The following KIAA0825 variants were observed in gnomAD, a reference collection of about 807,000 sequenced individuals.
The protein encoded by KIAA0825 is uncharacterized protein KIAA0825.
In KIAA0825, 119 loss-of-function variants were observed where a neutral mutation model predicts 147.6. The observed-to-expected ratio is 0.81, with a 90% CI of 0.69 to 0.94. The LOEUF (loss-of-function observed/expected upper bound fraction) is 0.94, where lower values mean the gene tolerates loss of function less well. KIAA0825 is among the 40% of genes least tolerant of loss of function. The probability of loss-of-function intolerance (pLI) is 0.00; values close to 1 mark genes in which losing one functional copy is unlikely to be tolerated. For synonymous variants in KIAA0825, 470 were observed against 518.1 expected (o/e 0.91, Z 1.26); for missense variants, 1,381 against 1,472.7 (o/e 0.94, Z 1.02).
At chr5:94,240,983 C>A (rs1294026715) in intron 20 of KIAA0825, among the ~76,000 whole-genome samples, 2 of 152,050 alleles carry the variant, frequency 1.3e-5, no homozygotes, top group Non-Finnish European at 2.9e-5. Flanking sequence ...TAAATGAATC[C>A]ATTTAACAAT....
At chr5:94,155,269 G>C (rs1484438465) in intron 20 of KIAA0825, among the ~76,000 whole-genome samples, 1 of 143,916 alleles carries the variant, frequency 6.9e-6, no homozygotes, top group Non-Finnish European at 1.5e-5. Flanking sequence ...CCAGGCTGGA[G>C]TGCAGTGGCA....
intron 6 of KIAA0825, among the ~76,000 whole-genome samples, chr5:94,480,848 T>C (rs1762418032): frequency 6.6e-6 from 1 of 152,022 alleles, no homozygotes; most frequent in Non-Finnish European, 1.5e-5. Context: ...ATTAAAATGG[T>C]TTAAAAAAAC....
intron 14 of KIAA0825, among the ~76,000 whole-genome samples, chr5:94,421,322 C>G (rs1754154919): frequency 6.6e-6 from 1 of 152,244 alleles, no homozygotes; most frequent in African/African-American, 2.4e-5. Flanking sequence ...GTGGCCTTAG[C>G]CTTCTTCCAG....
chr5:94,432,182 T>C (rs564867415), intron 14 of KIAA0825, among the ~76,000 whole-genome samples: 1 of 152,330 alleles, frequency 6.6e-6, no homozygotes, highest in African/African-American at 2.4e-5. Context: ...AGATACCTTG[T>C]TTGATATCCC....
At chr5:94,341,668 CTTGA>C (rs1240379581) in intron 20 of KIAA0825, among the ~76,000 whole-genome samples, 1 of 151,832 alleles carries the variant, frequency 6.6e-6, no homozygotes. Context: ...ACAGAAATGT[CTTGA>C]TTAAGAGAGG....
chr5:94,383,768 T>C (rs753895006), intron 20 of KIAA0825, among the ~76,000 whole-genome samples: 3 of 151,078 alleles, frequency 2.0e-5, no homozygotes, highest in Non-Finnish European at 4.4e-5. Flanking sequence ...ATATTATCAT[T>C]TCATTGGATT....
At chr5:94,173,599 T>G (rs988627257) in intron 20 of KIAA0825, among the ~76,000 whole-genome samples, 1 of 152,210 alleles carries the variant, frequency 6.6e-6, no homozygotes, top group Non-Finnish European at 1.5e-5. Flanking sequence ...CTGCTTTTTA[T>G]GGTCCAGCCT....
intron 20 of KIAA0825, among the ~76,000 whole-genome samples, chr5:94,197,974 G>A (rs1227833355): frequency 6.6e-6 from 1 of 152,092 alleles, no homozygotes; most frequent in Non-Finnish European, 1.5e-5. Flanking sequence ...GTTCCATATG[G>A]ATTTTAGAAT....
intron 15 of KIAA0825, among the ~76,000 whole-genome samples, chr5:94,409,824 A>C (rs1752522449): frequency 6.6e-6 from 1 of 152,224 alleles, no homozygotes; most frequent in Non-Finnish European, 1.5e-5. Context: ...AAAGCTTGAA[A>C]ACAACTAACT....
chr5:94,607,720 C>G (rs74670623), intron 1 of KIAA0825, among the ~76,000 whole-genome samples: 1,832 of 152,304 alleles, frequency 0.012, 34 homozygotes, highest in African/African-American at 0.042. Context: ...AAATTATTAT[C>G]TTACAGTTGT....
At chr5:94,365,709 A>G (rs113055379) in intron 20 of KIAA0825, among the ~76,000 whole-genome samples, 2,384 of 152,336 alleles carry the variant, frequency 0.016, 32 homozygotes, top group Non-Finnish European at 0.026. Flanking sequence ...AACTTAGTTT[A>G]TAGTTTAGCT....
At chr5:94,578,626 G>A (rs924128448) in intron 2 of KIAA0825, among the ~76,000 whole-genome samples, 2 of 151,702 alleles carry the variant, frequency 1.3e-5, no homozygotes, top group Non-Finnish European at 2.9e-5. Context: ...AAATATGACA[G>A]GAATTCCAAA....
intron 20 of KIAA0825, among the ~76,000 whole-genome samples, chr5:94,186,780 A>G (rs1206583963): frequency 6.6e-6 from 1 of 152,226 alleles, no homozygotes; most frequent in Non-Finnish European, 1.5e-5. Context: ...AGGAGCTACC[A>G]GAGAGGGTGT....
chr5:94,565,094 C>CTTTTTTTTTTTTTTTTTTTTTT (rs1285299381), intron 2 of KIAA0825, among the ~76,000 whole-genome samples: 2 of 51,904 alleles, frequency 3.9e-5, no homozygotes, highest in Non-Finnish European at 8.1e-5. Context: ...TTCTTGCTTT[C>CTTTTTTTTTTTTTTTTTTTTTT]CTTTTTTTTT....
intron 10 of KIAA0825, among the ~76,000 whole-genome samples, chr5:94,466,360 G>A (rs1325270776): frequency 1.3e-5 from 2 of 152,154 alleles, no homozygotes; most frequent in South Asian, 4.1e-4. Context: ...GCATCAAAAT[G>A]TCAGAGTCGA....
chr5:94,322,114 C>T (rs1780247993), intron 20 of KIAA0825, among the ~76,000 whole-genome samples: 1 of 151,708 alleles, frequency 6.6e-6, no homozygotes, highest in African/African-American at 2.4e-5. Context: ...ATCTGATAGC[C>T]AACAACTTTT....
intron 20 of KIAA0825, among the ~76,000 whole-genome samples, chr5:94,375,357 A>G (rs116023739): frequency 0.011 from 1,689 of 151,452 alleles, 31 homozygotes; most frequent in African/African-American, 0.039. Context: ...GAGCCCCTAA[A>G]CTTCCCGGGA....
At chr5:94,402,262 A>G (rs1751482620) in intron 16 of KIAA0825, among the ~76,000 whole-genome samples, 1 of 152,160 alleles carries the variant, frequency 6.6e-6, no homozygotes, top group Admixed American at 6.5e-5. Flanking sequence ...TAGAAAAAGC[A>G]AAATTGTTCG....
chr5:94,344,598 T>C (rs1287426856), intron 20 of KIAA0825, among the ~76,000 whole-genome samples: 1 of 152,232 alleles, frequency 6.6e-6, no homozygotes, highest in East Asian at 1.9e-4. Flanking sequence ...CAGCTATTTG[T>C]TCATCCATGT....
Sources: gnomAD v4.1 joint callset for allele counts (sites outside exome capture counted in the v4.1 genomes callset) on GRCh38, gnomAD v4.1.1 for gene constraint, MANE v1.5 for transcripts, NCBI Gene and HGNC (gene_info 2026-07-23, HGNC 2026-07-21) for gene names.